NBEA: variants seen among roughly 807,000 people sequenced by gnomAD.
NBEA encodes lysosomal-trafficking regulator 2.
A neutral mutation model predicts 343.4 loss-of-function variants in NBEA; 44 were observed. The ratio of observed to expected loss-of-function variants is 0.13; its 90% CI spans 0.10 to 0.16. NBEA has a LOEUF of 0.16. Ranked by LOEUF, NBEA falls within the 10% of genes least tolerant of loss-of-function variation. The pLI is 1.00. For missense variants in NBEA, 2,555 were observed against 3,631.3 expected, an observed-to-expected ratio of 0.70 and a Z score of 7.62; for synonymous variants, 1,175 against 1,238.7, an observed-to-expected ratio of 0.95 and a Z score of 1.08.
intron 38 of NBEA, among the ~76,000 whole-genome samples, chr13:35,429,585 C>T (rs2044950350): frequency 1.3e-5 from 2 of 152,110 alleles, no homozygotes; most frequent in African/African-American, 4.8e-5. Context: ...GGTCCTTAGC[C>T]AGTCTGCCTT....
intron 36 of NBEA, among the ~76,000 whole-genome samples, chr13:35,316,581 G>A (rs1031551710): frequency 1.3e-5 from 2 of 152,180 alleles, no homozygotes; most frequent in Non-Finnish European, 2.9e-5. Flanking sequence ...GTGTGCATGT[G>A]TGTTTATAGT....
intron 18 of NBEA, among the ~76,000 whole-genome samples, chr13:35,146,723 T>G (rs2152700398): frequency 6.6e-6 from 1 of 152,296 alleles, no homozygotes. Context: ...TGGGTGACTC[T>G]GAGGTTGCAG....
intron 41 of NBEA, among the ~76,000 whole-genome samples, chr13:35,498,494 A>G (rs1004819984): frequency 1.3e-5 from 2 of 152,144 alleles, no homozygotes; most frequent in Non-Finnish European, 2.9e-5. Context: ...AACTGGTTGT[A>G]GCAATATTAG....
At chr13:35,246,457 T>C (rs1299896273) in intron 34 of NBEA, among the ~76,000 whole-genome samples, 1 of 152,208 alleles carries the variant, frequency 6.6e-6, no homozygotes, top group African/African-American at 2.4e-5. Flanking sequence ...GCTGTTCAGA[T>C]TCTTTTGTTC....
At chr13:34,955,006 T>G (rs575067802) in intron 1 of NBEA, among the ~76,000 whole-genome samples, 2 of 152,186 alleles carry the variant, frequency 1.3e-5, no homozygotes, top group South Asian at 4.1e-4. Context: ...AGAGTGTTTT[T>G]GGATCTGGTC....
At chr13:35,404,527 C>A (rs1362860190) in intron 38 of NBEA, among the ~76,000 whole-genome samples, 1 of 146,850 alleles carries the variant, frequency 6.8e-6, no homozygotes, top group Non-Finnish European at 1.5e-5. Context: ...ACCGCATATT[C>A]TTACTCATAG....
chr13:35,406,386 G>A (rs2043272357), intron 38 of NBEA, among the ~76,000 whole-genome samples: 1 of 149,870 alleles, frequency 6.7e-6, no homozygotes, highest in Non-Finnish European at 1.5e-5. Context: ...GGTGATTTTC[G>A]AGATTTTGGT....
At chr13:35,319,860 T>C (rs935492792) in intron 36 of NBEA, among the ~76,000 whole-genome samples, 3 of 152,340 alleles carry the variant, frequency 2.0e-5, no homozygotes, top group African/African-American at 4.8e-5. Context: ...CTTCTTTGTC[T>C]GTTTTGATCT....
chr13:35,311,250 T>C (rs1415318885), intron 36 of NBEA, among the ~76,000 whole-genome samples: 2 of 152,024 alleles, frequency 1.3e-5, no homozygotes, highest in Non-Finnish European at 2.9e-5. Context: ...CTAATCATTG[T>C]CATTTAAGTT....
chr13:35,165,655 ACATAGAGGG>A (rs1372990459), intron 24 of NBEA, among the ~76,000 whole-genome samples: 1 of 151,350 alleles, frequency 6.6e-6, no homozygotes, highest in Non-Finnish European at 1.5e-5. Context: ...TAATAGTGAG[ACATAGAGGG>A]CATTTTTTTC....
At chr13:35,444,834 G>A (rs2045913252) in intron 39 of NBEA, among the ~76,000 whole-genome samples, 1 of 152,000 alleles carries the variant, frequency 6.6e-6, no homozygotes, top group Non-Finnish European at 1.5e-5. Flanking sequence ...ATACATTGGT[G>A]CTTTATGTAA....
chr13:35,043,246 C>T (rs959428426), intron 2 of NBEA, among the ~76,000 whole-genome samples: 2 of 151,696 alleles, frequency 1.3e-5, no homozygotes, highest in Non-Finnish European at 3.0e-5. Context: ...ATACAATATG[C>T]AAGGAATTTT....
At chr13:35,387,277 AAAG>A (rs2042285921) in intron 38 of NBEA, among the ~76,000 whole-genome samples, 1 of 152,146 alleles carries the variant, frequency 6.6e-6, no homozygotes, top group East Asian at 1.9e-4. Flanking sequence ...TTGGATATTC[AAAG>A]AAGGTCAGAG....
chr13:35,029,721 G>T (rs1418853185), intron 1 of NBEA, among the ~76,000 whole-genome samples: 2 of 151,426 alleles, frequency 1.3e-5, no homozygotes, highest in Non-Finnish European at 3.0e-5. Context: ...TACACAAAAG[G>T]TACTTAAATT....
chr13:34,970,247 G>C (rs559316767), intron 1 of NBEA, among the ~76,000 whole-genome samples: 1 of 151,758 alleles, frequency 6.6e-6, no homozygotes, highest in African/African-American at 2.4e-5. Flanking sequence ...GGCATTGTTT[G>C]TTTTTTTTCC....
chr13:35,061,889 C>T (rs1463147188), intron 8 of NBEA, among the ~76,000 whole-genome samples: 1 of 151,596 alleles, frequency 6.6e-6, no homozygotes, highest in African/African-American at 2.4e-5. Context: ...AAATATGGAA[C>T]AGTCAGTCTG....
chr13:35,048,512 T>C (rs2062944434), intron 4 of NBEA, 51 bp from the exon 5 acceptor site: 13 of 1,544,720 alleles, frequency 8.4e-6, no homozygotes, highest in African/African-American at 1.4e-5. Flanking sequence ...CCTTAGCTAC[T>C]ATCACATTTC....
intron 41 of NBEA, among the ~76,000 whole-genome samples, chr13:35,486,890 C>T (rs2076322202): frequency 6.6e-6 from 1 of 151,860 alleles, no homozygotes; most frequent in African/African-American, 2.4e-5. Context: ...TCAAATTGGA[C>T]TAATTCACCT....
At chr13:35,608,109 C>G (rs1436736574) in intron 48 of NBEA, among the ~76,000 whole-genome samples, 1 of 152,032 alleles carries the variant, frequency 6.6e-6, no homozygotes, top group South Asian at 2.1e-4. Context: ...TTACTTTTAA[C>G]GTACTTTATT....
Sources: allele counts gnomAD v4.1 joint callset (sites outside exome capture counted in the v4.1 genomes callset), GRCh38; gene constraint gnomAD v4.1.1; transcripts MANE v1.5; gene names NCBI Gene and HGNC (gene_info 2026-07-23, HGNC 2026-07-21).